The following ADAMTS17 variants were observed in gnomAD, a reference collection of about 807,000 sequenced individuals.
ADAMTS17 encodes the protein A disintegrin and metalloproteinase with thrombospondin motifs 17.
ADAMTS17 carries 113 observed loss-of-function variants against 141.5 expected under a neutral mutation model. That is an observed-to-expected ratio of 0.80 (90% CI 0.69 to 0.93). The LOEUF is 0.93. ADAMTS17 is among the 40% of genes least tolerant of loss of function. ADAMTS17 has a pLI of 0.00. For missense variants in ADAMTS17, 1,659 were observed against 1,517.9 expected, an observed-to-expected ratio of 1.09 and a Z score of -1.54; for synonymous variants, 768 against 630.6, an observed-to-expected ratio of 1.22 and a Z score of -3.27.
At chr15:99,977,120 T>C (rs1232353939) in intron 20 of ADAMTS17, among the ~76,000 whole-genome samples, 1 of 151,820 alleles carries the variant, frequency 6.6e-6, no homozygotes, top group Non-Finnish European at 1.5e-5. Flanking sequence ...GGGCTTAGAA[T>C]TAAGTAAAAG....
At chr15:100,285,449 A>T (rs7179446) in intron 3 of ADAMTS17, among the ~76,000 whole-genome samples, 3,429 of 152,338 alleles carry the variant, frequency 0.023, 134 homozygotes, top group African/African-American at 0.078. Flanking sequence ...TTTAGAAAGG[A>T]TACAGTATCC....
At chr15:100,251,267 C>A (rs183645279) in intron 7 of ADAMTS17, among the ~76,000 whole-genome samples, 1 of 152,146 alleles carries the variant, frequency 6.6e-6, no homozygotes, top group Non-Finnish European at 1.5e-5. Context: ...GGAAGTGAGA[C>A]GCATGCACCT....
chr15:100,030,714 T>C (rs28602438), intron 18 of ADAMTS17, among the ~76,000 whole-genome samples: 5,985 of 152,302 alleles, frequency 0.039, 388 homozygotes, highest in African/African-American at 0.14. Flanking sequence ...TGTTGCAATT[T>C]ACTCTGAAAT....
intron 7 of ADAMTS17, among the ~76,000 whole-genome samples, chr15:100,209,046 C>G (rs527428924): frequency 5.9e-5 from 8 of 136,440 alleles, no homozygotes; most frequent in African/African-American, 2.2e-4. Context: ...TTCACTCCCT[C>G]TTATAGCCGT....
intron 8 of ADAMTS17, among the ~76,000 whole-genome samples, chr15:100,185,984 A>G (rs114914653): frequency 0.013 from 1,943 of 152,022 alleles, 53 homozygotes; most frequent in African/African-American, 0.043. Flanking sequence ...TGCAGCCGAC[A>G]ATTACTCCAC....
At position 100,053,793 on chromosome 15, in the gene ADAMTS17, A is replaced by G. The variant is rs79179121; in HGVS notation, c.2295+104T>C. On this transcript the variant is annotated intron_variant, in intron 16 of 21. Coordinates refer to ENST00000268070, the MANE Select transcript of ADAMTS17 (RefSeq NM_139057.4). ...GCATAAACCCCTGGAAGCCAGATGC[A>G]TTTCCTGCCCCCGAGGTCCCAGGCA... is the stretch of plus-strand genomic sequence containing the variant. 0.042 allele frequency: 66,169 copies of G among 1,570,044 alleles called. 1,836 individuals are homozygous for G. The highest frequency in any genetic ancestry group is 0.1 in the South Asian group (8,979 of 89,656).
intron 18 of ADAMTS17, among the ~76,000 whole-genome samples, chr15:100,029,307 T>C (rs1220535365): frequency 2.0e-5 from 3 of 152,230 alleles, no homozygotes; most frequent in East Asian, 1.9e-4. Context: ...AACATAGGGA[T>C]CTAAATTTAA....
intron 15 of ADAMTS17, among the ~76,000 whole-genome samples, chr15:100,081,493 G>C (rs1596370516): frequency 6.6e-6 from 1 of 152,092 alleles, no homozygotes; most frequent in African/African-American, 2.4e-5. Context: ...CTTTAAATGG[G>C]TGAATTATAT....
intron 8 of ADAMTS17, among the ~76,000 whole-genome samples, chr15:100,160,789 C>T (rs2039654893): frequency 6.6e-6 from 1 of 152,210 alleles, no homozygotes; most frequent in South Asian, 2.1e-4. Context: ...CACGCTTGAT[C>T]TCCTTTAAAA....
intron 12 of ADAMTS17, among the ~76,000 whole-genome samples, chr15:100,123,518 A>G (rs577880766): frequency 2.6e-5 from 4 of 152,276 alleles, no homozygotes; most frequent in African/African-American, 9.6e-5. Flanking sequence ...ACAAGTTGCA[A>G]TCTCATCCTG....
chr15:99,998,462 G>T (rs2060850082), intron 18 of ADAMTS17, among the ~76,000 whole-genome samples: 1 of 152,088 alleles, frequency 6.6e-6, no homozygotes, highest in African/African-American at 2.4e-5. Flanking sequence ...AAATTATCCA[G>T]GCGTGGTGGT....
intron 6 of ADAMTS17, among the ~76,000 whole-genome samples, chr15:100,258,624 G>A (rs192106241): frequency 2.6e-5 from 4 of 151,706 alleles, no homozygotes; most frequent in East Asian, 1.9e-4. Context: ...TCACGATCCC[G>A]AGAACAGCAC....
intron 3 of ADAMTS17, among the ~76,000 whole-genome samples, chr15:100,311,472 G>T (rs1166370221): frequency 6.6e-6 from 1 of 152,186 alleles, no homozygotes; most frequent in Admixed American, 6.5e-5. Context: ...AATAAACTAT[G>T]AATTCTTGAT....
At chr15:100,150,660 A>C (rs1219646636) in intron 10 of ADAMTS17, among the ~76,000 whole-genome samples, 1 of 152,092 alleles carries the variant, frequency 6.6e-6, no homozygotes, top group Non-Finnish European at 1.5e-5. Context: ...TGGAGCAGGC[A>C]GTCTCTGCCC....
At chr15:100,093,521 G>A (rs566857820) in intron 15 of ADAMTS17, among the ~76,000 whole-genome samples, 1 of 152,174 alleles carries the variant, frequency 6.6e-6, no homozygotes, top group East Asian at 1.9e-4. Context: ...TGCACTTGGC[G>A]TCACCAAGAT....
chr15:100,022,767 C>T (rs1288590143), intron 18 of ADAMTS17, among the ~76,000 whole-genome samples: 27 of 152,108 alleles, frequency 1.8e-4, no homozygotes. Context: ...AATACCGTAA[C>T]CACTTTCAAC....
At position 100,054,038 on chromosome 15, in the gene ADAMTS17, A is replaced by T. The variant is rs767356410; in HGVS notation, c.2154T>A (p.Gly718=). Reference sequence around the variant, plus strand: ...TCCAGTCACTGTTGATGGACCCCTTACCCGAGTCTTTGAGAGCTAGAAAGC... The same window carrying T: ...TCCAGTCACTGTTGATGGACCCCTTTCCCGAGTCTTTGAGAGCTAGAAAGC... ...HARGTALKDS[G]KGSINSDWKI... is the part of the protein sequence containing the mutation. The change falls in exon 16 of 22, where the codon GGT becomes GGA. Residue 718 remains glycine, a synonymous_variant. Coordinates refer to ENST00000268070, the MANE Select transcript of ADAMTS17 (RefSeq NM_139057.4). 5 of 1,614,110 alleles carry T rather than the reference A, an allele frequency of 3.1e-6. No homozygotes were observed. The highest frequency in any genetic ancestry group is 4.2e-6 in the Non-Finnish European group (5 of 1,179,994).
Position 100,325,467 on chromosome 15 carries a change from G to A in ADAMTS17, c.616+5422C>T, listed in dbSNP as rs1214909765. Among the ~76,000 whole-genome samples the A allele has an allele frequency of 3.9e-5, 6 of 152,146 alleles. No individual in the cohort carries two copies. In the East Asian group the frequency reaches 5.8e-4, roughly 15 times the overall value. On this transcript the variant is annotated intron_variant, in intron 3 of 21. Coordinates refer to ENST00000268070, the MANE Select transcript of ADAMTS17 (RefSeq NM_139057.4). Reference sequence around the variant, plus strand: ...CCATGTGAAGACACAGGGAGAGGACGGCCAATACGGTTTGGATGTGTGTCC... The same window carrying A: ...CCATGTGAAGACACAGGGAGAGGACAGCCAATACGGTTTGGATGTGTGTCC...
intron 7 of ADAMTS17, among the ~76,000 whole-genome samples, chr15:100,218,380 C>G (rs1052624642): frequency 6.6e-6 from 1 of 152,134 alleles, no homozygotes; most frequent in Non-Finnish European, 1.5e-5. Flanking sequence ...AAAAATTATT[C>G]CAACTCAATA....
Sources: gnomAD v4.1 joint callset for allele counts (sites outside exome capture counted in the v4.1 genomes callset) on GRCh38, gnomAD v4.1.1 for gene constraint, MANE v1.5 for transcripts, NCBI Gene and HGNC (gene_info 2026-07-23, HGNC 2026-07-21) for gene names.